The following CDKL5 variants were observed in gnomAD, a reference collection of about 807,000 sequenced individuals.
CDKL5 encodes the protein cyclin dependent kinase like 5, also known as cyclin-dependent kinase-like 5.
CDKL5 carries 8 observed loss-of-function variants against 61.7 expected under a neutral mutation model. That is an observed-to-expected ratio of 0.13 (90% CI 0.08 to 0.23). The LOEUF is 0.23. CDKL5 is among the 10% of genes least tolerant of loss of function. The pLI is 1.00. For missense variants in CDKL5, 440 were observed against 734.5 expected (o/e 0.60, Z 4.63); for synonymous variants, 275 against 272.3 (o/e 1.01, Z -0.10).
At chrX:18,425,764 C>T (rs1931346537) in intron 1 of CDKL5, 69 bp downstream of exon 1, 1 of 112,088 alleles carries the variant, frequency 8.9e-6, no homozygotes, top group Admixed American at 9.3e-5. Context: ...GTCCACCCAG[C>T]TTCTCCTGAG....
At chrX:18,543,302 T>A (rs923971323) in intron 3 of CDKL5, among the ~76,000 whole-genome samples, 2 of 102,885 alleles carry the variant, frequency 1.9e-5, no homozygotes, top group Non-Finnish European at 3.9e-5. Context: ...TTGGAGCTAT[T>A]TTTTTTTTAT....
In CDKL5 at chrX:18,604,573, G is replaced by A. The variant is rs745508309; in HGVS notation, c.1649G>A (p.Arg550Gln). The change falls in exon 12 of 18, where the codon CGA becomes CAA. Residue 550 changes from arginine (R) to glutamine (Q), a missense_variant. Around this residue, in one of 2 missense-constraint regions of CDKL5, gnomAD observed 363 missense variants for 516.3 expected, o/e 0.70. Coordinates refer to ENST00000623535, the MANE Select transcript of CDKL5 (RefSeq NM_001323289.2). ...TLLSPSGRNN[R>Q]NEGTLDSRRT... ...CTCAGCCCTTCTGGAAGAAATAACC[G>A]AAATGAGGGAACGCTGGACTCACGT... The A allele has an allele frequency of 6.6e-6, 8 of 1,210,020 alleles. No individual in the cohort carries two copies. In the East Asian group the frequency reaches 1.8e-4, roughly 27 times the overall value.
rs1479778697 is a variant in CDKL5 at position 18,631,850 on chromosome X, T to C, written c.*3093T>C. The C allele has an allele frequency of 1.3e-6, 1 of 752,629 alleles. No individual in the cohort carries two copies. Among genetic ancestry groups the C allele is most frequent in the East Asian group, 1.5e-4 (1 of 6,595 alleles). The allele number at this position is 752,629 out of a possible 1,213,427, so 62.0% of individuals were successfully genotyped here. ...CCCAAGACCAAAAGGGAGTGCTTCATGCTGAGGGGCTCAAGTGAGCTGACT... is the reference window on the plus strand; with the variant it reads ...CCCAAGACCAAAAGGGAGTGCTTCACGCTGAGGGGCTCAAGTGAGCTGACT... On this transcript the variant is annotated 3_prime_UTR_variant, in exon 18 of 18. Transcript: ENST00000623535.
intron 15 of CDKL5, 54 bp downstream of exon 15, chrX:18,613,329 G>T: frequency 8.9e-7 from 1 of 1,117,983 alleles, no homozygotes; most frequent in East Asian, 3.4e-5. Flanking sequence ...AGATTTAAGA[G>T]TTGAAATAAA....
intron 3 of CDKL5, among the ~76,000 whole-genome samples, chrX:18,516,527 G>A (rs938876779): frequency 1.8e-5 from 2 of 109,528 alleles, no homozygotes; most frequent in Non-Finnish European, 1.9e-5. Context: ...TGTTGATACC[G>A]GAAAAACTAC....
intron 20 of CDKL5, chrX:18,650,397 G>C: frequency 8.3e-7 from 1 of 1,210,840 alleles, no homozygotes; most frequent in Non-Finnish European, 1.1e-6. Flanking sequence ...ACTGCCCTCT[G>C]AATATTTTCC....
rs139810558 is a variant in CDKL5, at chrX:18,462,045, G to A, written c.-163+36350G>A. On this transcript the variant is annotated intron_variant, in intron 1 of 17. Coordinates refer to ENST00000623535, the MANE Select transcript of CDKL5 (RefSeq NM_001323289.2). The stretch of plus-strand genomic sequence containing the variant: ...TTTGAATGTGGCCCAGCACAAATTC[G>A]TAAACTTTCTTAAGACATGAGATTT... 4.3e-3 allele frequency among the ~76,000 whole-genome samples: 473 copies of A among 109,086 alleles called. 2 individuals carry two copies. The highest frequency in any genetic ancestry group is 0.043 in the Middle Eastern group (9 of 211). The allele number at this position is 109,086 out of a possible 115,157, so 94.7% of individuals were successfully genotyped here. A position where few individuals can be genotyped will look rare whatever the true frequency, so the allele number is the denominator to read the frequency against.
intron 3 of CDKL5, among the ~76,000 whole-genome samples, chrX:18,554,731 A>AT (rs1427037257): frequency 9.0e-6 from 1 of 111,568 alleles, no homozygotes; most frequent in Non-Finnish European, 1.9e-5. Context: ...ACGGTATAAT[A>AT]TTTTAATGGA....
chrX:18,596,225 CT>C (rs1033473801), intron 10 of CDKL5, among the ~76,000 whole-genome samples: 4 of 111,132 alleles, frequency 3.6e-5, no homozygotes, highest in Non-Finnish European at 5.6e-5. Context: ...AAAAGGCATA[CT>C]TAGCACAGTC....
At chrX:18,573,898 G>C (rs1388323350) in intron 4 of CDKL5, among the ~76,000 whole-genome samples, 1 of 111,701 alleles carries the variant, frequency 9.0e-6, no homozygotes, top group African/African-American at 3.3e-5. Flanking sequence ...AGTTTGAGTT[G>C]GGGGTTGGGA....
intron 4 of CDKL5, among the ~76,000 whole-genome samples, chrX:18,569,135 TTGAG>T (rs1412762801): frequency 7.8e-4 from 88 of 112,110 alleles, no homozygotes; most frequent in African/African-American, 2.7e-3. Context: ...GGAAGAATGT[TTGAG>T]TAATGAAAAA....
downstream of CDKL5, among the ~76,000 whole-genome samples, chrX:18,643,251 T>C (rs190674385): frequency 2.0e-4 from 22 of 112,098 alleles, no homozygotes; most frequent in East Asian, 5.9e-3. Flanking sequence ...CTAGGACATT[T>C]CATCTCCTTC....
chrX:18,541,334 CAT>C (rs1924014557), intron 3 of CDKL5, among the ~76,000 whole-genome samples: 1 of 111,809 alleles, frequency 8.9e-6, no homozygotes. Context: ...TATAGTGCCA[CAT>C]GTCTCTGAGT....
At chrX:18,556,113 C>T (rs1331889943) in intron 3 of CDKL5, among the ~76,000 whole-genome samples, 3 of 111,435 alleles carry the variant, frequency 2.7e-5, no homozygotes, top group African/African-American at 9.8e-5. Flanking sequence ...GCTTGAATTT[C>T]CTCCCATTTT....
intron 1 of CDKL5, among the ~76,000 whole-genome samples, chrX:18,485,975 C>T (rs748936533): frequency 8.1e-5 from 9 of 111,602 alleles, no homozygotes; most frequent in African/African-American, 2.9e-4. Context: ...TTCTACCTTT[C>T]TCAAAAAGCC....
chrX:18,581,869 T>C, intron 6 of CDKL5, 22 bp from the exon 7 acceptor site: 1 of 1,103,377 alleles, frequency 9.1e-7, no homozygotes, highest in Non-Finnish European at 1.3e-6. Flanking sequence ...TTACTAATTT[T>C]TTTTTTATCT....
At chrX:18,562,555 A>G (rs1417055744) in intron 3 of CDKL5, among the ~76,000 whole-genome samples, 2 of 112,291 alleles carry the variant, frequency 1.8e-5, no homozygotes, top group Non-Finnish European at 3.8e-5. Flanking sequence ...TGTCTTCTCT[A>G]TATCCTTTTT....
chrX:18,439,045 G>T (rs867884377), intron 1 of CDKL5, among the ~76,000 whole-genome samples: 15 of 37,465 alleles, frequency 4.0e-4, no homozygotes, highest in African/African-American at 5.4e-4. Context: ...GCCCCTTTTT[G>T]CCCCCCCCCC....
At chrX:18,477,050 G>T (rs186580120) in intron 1 of CDKL5, among the ~76,000 whole-genome samples, 2 of 111,319 alleles carry the variant, frequency 1.8e-5, no homozygotes, top group African/African-American at 6.5e-5. Context: ...TTACAGGCGT[G>T]AGCCACTGCA....
Sources: gnomAD v4.1 joint callset for allele counts (sites outside exome capture counted in the v4.1 genomes callset) on GRCh38, gnomAD v4.1.1 for gene constraint, gnomAD v4.1.1 regional missense constraint, MANE v1.5 for transcripts, NCBI Gene and HGNC (gene_info 2026-07-23, HGNC 2026-07-21) for gene names.